The following SYNGR4 variants were observed in gnomAD, a reference collection of about 807,000 sequenced individuals.
SYNGR4 encodes synaptogyrin-4.
SYNGR4 carries 15 observed loss-of-function variants against 15.5 expected under a neutral mutation model. The ratio of observed to expected loss-of-function variants is 0.97; its 90% CI spans 0.65 to 1.49. The LOEUF (loss-of-function observed/expected upper bound fraction) is 1.49, where lower values mean the gene tolerates loss of function less well. Among genes scored for constraint, SYNGR4 ranks in the 40% most tolerant of loss-of-function variants. SYNGR4 has a pLI of 0.00. For missense variants in SYNGR4, 292 were observed against 299.3 expected, an observed-to-expected ratio of 0.98 and a Z score of 0.18; for synonymous variants, 121 against 127.4, an observed-to-expected ratio of 0.95 and a Z score of 0.34.
intron 2 of SYNGR4, among the ~76,000 whole-genome samples, chr19:48,369,770 A>G (rs1426738725): frequency 6.6e-6 from 1 of 152,164 alleles, no homozygotes; most frequent in African/African-American, 2.4e-5. Flanking sequence ...TAAAATGAAT[A>G]TGGGCTCAAA....
intron 3 of SYNGR4, among the ~76,000 whole-genome samples, chr19:48,374,669 A>G (rs983509414): frequency 1.3e-5 from 2 of 152,164 alleles, no homozygotes; most frequent in Non-Finnish European, 2.9e-5. Context: ...ACCCGTGGCT[A>G]TTAAGCACTT....
intron 2 of SYNGR4, among the ~76,000 whole-genome samples, chr19:48,370,641 T>A (rs575535606): frequency 1.3e-5 from 2 of 152,094 alleles, no homozygotes; most frequent in East Asian, 3.9e-4. Flanking sequence ...CTCACTGCAG[T>A]CCAGACCTCG....
chr19:48,365,927 T>G lies in SYNGR4; in HGVS notation c.85T>G (p.Phe29Val). Residue 29 changes from phenylalanine (F) to valine (V), a missense_variant, in exon 2 of 5, where the codon TTC (phenylalanine) becomes GTC (valine). Transcript: ENST00000344846. ...AAGGCCCAAGACCATCACGCGGGTC[T>G]TCGAAGGGGTGAGGCCCTCCCATGG... ...LRRPKTITRV[F>V]EGVFSLIVFS... 6.2e-7 allele frequency: 1 copy of G among 1,613,500 alleles called. No individual in the cohort carries two copies. Among genetic ancestry groups the G allele is most frequent in the Non-Finnish European group, 8.5e-7 (1 of 1,179,922 alleles).
intron 2 of SYNGR4, among the ~76,000 whole-genome samples, chr19:48,370,334 T>G (rs1408217559): frequency 6.6e-6 from 1 of 151,930 alleles, no homozygotes; most frequent in African/African-American, 2.4e-5. Flanking sequence ...AAATTAAATA[T>G]GAGTGAGGCA....
chr19:48,371,351 C>T (rs1446714175), intron 2 of SYNGR4, among the ~76,000 whole-genome samples: 4 of 150,238 alleles, frequency 2.7e-5, no homozygotes, highest in African/African-American at 9.8e-5. Context: ...CTCCCCACCA[C>T]CCCATCTACA....
Position 48,376,221 on chromosome 19 carries a change from C to G in SYNGR4, c.608C>G (p.Thr203Ser). 1 of 1,614,176 alleles carries G rather than the reference C, an allele frequency of 6.2e-7. No individual in the cohort carries two copies. Among genetic ancestry groups the G allele is most frequent in the Admixed American group, 1.7e-5 (1 of 60,008 alleles). Reference sequence around the variant, plus strand: ...GCCAACAGCCCTGTGAACATGCCCACCACTGGCCCCAACAGCCTGAGTTAT... The same window carrying G: ...GCCAACAGCCCTGTGAACATGCCCAGCACTGGCCCCAACAGCCTGAGTTAT... ...PSANSPVNMP[T>S]TGPNSLSYAS... Residue 203 changes from threonine (T) to serine (S), a missense_variant, in exon 5 of 5, where the codon ACC (threonine) becomes AGC (serine). Physicochemically the swap from Thr to Ser is moderately conservative, Grantham distance 58. Coordinates refer to ENST00000344846, the MANE Select transcript of SYNGR4 (RefSeq NM_012451.4).
intron 2 of SYNGR4, among the ~76,000 whole-genome samples, chr19:48,366,991 T>C (rs376753696): frequency 2.7e-4 from 41 of 151,814 alleles, no homozygotes; most frequent in African/African-American, 9.2e-4. Context: ...CCATCTCTAC[T>C]AAAAATACAA....
chr19:48,366,975 G>A (rs534087043), intron 2 of SYNGR4, among the ~76,000 whole-genome samples: 1 of 151,860 alleles, frequency 6.6e-6, no homozygotes, highest in South Asian at 2.1e-4. Context: ...CCAACATGGC[G>A]AAAACCCATC....
rs760308257 is a variant in SYNGR4, at chr19:48,365,936, G to A, written c.93+1G>A. 18 of 1,613,328 alleles carry A rather than the reference G, an allele frequency of 1.1e-5. No individual in the cohort carries two copies. The highest frequency in any genetic ancestry group is 1.7e-5 in the Admixed American group (1 of 60,020). ...GACCATCACGCGGGTCTTCGAAGGG[G>A]TGAGGCCCTCCCATGGCCCGACTGT... On this transcript the variant is annotated splice_donor_variant, in intron 2 of 4. Transcript: ENST00000344846. LOFTEE classifies it high-confidence loss of function.
In SYNGR4 at chr19:48,375,694, T is replaced by C; in HGVS notation, c.413T>C (p.Leu138Pro). 1 of 1,614,102 alleles carries C rather than the reference T, an allele frequency of 6.2e-7. No homozygotes were observed. The highest frequency in any genetic ancestry group is 8.5e-7 in the Non-Finnish European group (1 of 1,179,984). ...WQHSPPKEFL[L>P]GSSSAQAAIA... ...CATTCGCCGCCCAAAGAGTTCCTCC[T>C]GGGGAGCAGCAGTGCCCAGGCAGCC... Residue 138 changes from leucine to proline, a missense_variant, in exon 4 of 5, where the codon CTG (leucine) becomes CCG (proline). Transcript: ENST00000344846.
intron 4 of SYNGR4, 27 bp from the exon 5 acceptor site, chr19:48,376,058 C>G (rs1414891589): frequency 6.2e-7 from 1 of 1,613,970 alleles, no homozygotes; most frequent in African/African-American, 1.3e-5. Flanking sequence ...CCAAGTCAGC[C>G]TTCAGCACGC....
At chr19:48,372,378 G>A (rs1281296329) in intron 2 of SYNGR4, among the ~76,000 whole-genome samples, 14 of 152,068 alleles carry the variant, frequency 9.2e-5, no homozygotes. Flanking sequence ...GGGCGTGGTG[G>A]CTCACGCCTG....
chr19:48,368,821 G>T (rs1368230897), intron 2 of SYNGR4, among the ~76,000 whole-genome samples: 2 of 152,198 alleles, frequency 1.3e-5, no homozygotes, highest in Non-Finnish European at 2.9e-5. Flanking sequence ...TCTTTCGCTG[G>T]TGTTAGTTTC....
chr19:48,372,394 C>G (rs1018254178), intron 2 of SYNGR4, among the ~76,000 whole-genome samples: 2 of 152,100 alleles, frequency 1.3e-5, no homozygotes, highest in South Asian at 2.1e-4. Context: ...GCCTGTAATC[C>G]CAGCACTTTG....
intron 2 of SYNGR4, among the ~76,000 whole-genome samples, 182 bp downstream of exon 2, chr19:48,366,117 G>A (rs1555888623): frequency 1.3e-5 from 2 of 152,156 alleles, no homozygotes; most frequent in Non-Finnish European, 2.9e-5. Flanking sequence ...TGCTATTGAG[G>A]CACTGATGGA....
In SYNGR4 at chr19:48,376,266, C is replaced by T. The variant is rs1343998199; in HGVS notation, c.653C>T (p.Pro218Leu). 6.2e-7 allele frequency: 1 copy of T among 1,613,556 alleles called. No individual in the cohort carries two copies. Among genetic ancestry groups the T allele is most frequent in the Admixed American group, 1.7e-5 (1 of 59,732 alleles). Reference protein sequence around the residue: ...SLSYASSALSPCLTAPKSPRL... With the variant: ...SLSYASSALSLCLTAPKSPRL... ...AGTTATGCTAGCTCTGCCCTGTCCC[C>T]CTGTCTGACCGCTCCAAAGTCCCCC... The change falls in exon 5 of 5, where the codon CCC becomes CTC. Residue 218 changes from proline to leucine, a missense_variant. Transcript: ENST00000344846.
chr19:48,376,257 C>T lies in SYNGR4; in HGVS notation c.644C>T (p.Ala215Val). 1 of 1,613,856 alleles carries T rather than the reference C, an allele frequency of 6.2e-7. No individual in the cohort carries two copies. Among genetic ancestry groups the T allele is most frequent in the Non-Finnish European group, 8.5e-7 (1 of 1,179,938 alleles). ...AACAGCCTGAGTTATGCTAGCTCTG[C>T]CCTGTCCCCCTGTCTGACCGCTCCA... ...GPNSLSYASSALSPCLTAPKS... is the reference protein window; with the variant it reads ...GPNSLSYASSVLSPCLTAPKS... The change falls in exon 5 of 5, where the codon GCC becomes GTC. Residue 215 changes from alanine to valine, a missense_variant. Coordinates refer to ENST00000344846, the MANE Select transcript of SYNGR4 (RefSeq NM_012451.4).
At chr19:48,366,389 CAAAAA>C (rs574008245) in intron 2 of SYNGR4, among the ~76,000 whole-genome samples, 1 of 109,804 alleles carries the variant, frequency 9.1e-6, no homozygotes, top group Non-Finnish European at 1.9e-5. Context: ...GACTCCATCT[CAAAAA>C]AAAAAAAAAG....
At position 48,366,183 on chromosome 19, in the gene SYNGR4, T is replaced by C. The variant is rs79840105; in HGVS notation, c.93+248T>C. 3.9e-3 allele frequency among the ~76,000 whole-genome samples: 589 copies of C among 152,238 alleles called. 22 individuals are homozygous for C. In the East Asian group the frequency reaches 0.093, roughly 24 times the overall value. On this transcript the variant is annotated intron_variant, in intron 2 of 4. Transcript: ENST00000344846. ...GGTGCTGCAAGTCCCATCTCTGAGA[T>C]AACAAAACTAGGGCTTAGAAAAGTT...
Sources: allele counts gnomAD v4.1 joint callset (sites outside exome capture counted in the v4.1 genomes callset), GRCh38; gene constraint gnomAD v4.1.1; transcripts MANE v1.5; gene names NCBI Gene and HGNC (gene_info 2026-07-23, HGNC 2026-07-21).